The following IQGAP3 variants were observed in gnomAD, a reference collection of about 807,000 sequenced individuals.
The protein encoded by IQGAP3 is IQ motif containing GTPase activating protein 3.
In IQGAP3, 165 loss-of-function variants were observed where a neutral mutation model predicts 208.2. The ratio of observed to expected loss-of-function variants is 0.79; its 90% CI spans 0.70 to 0.90. IQGAP3 has a LOEUF of 0.90. IQGAP3 is among the 40% of genes least tolerant of loss of function. The pLI is 0.00. For synonymous variants in IQGAP3, 703 were observed against 803.6 expected (o/e 0.87, Z 2.12); for missense variants, 1,811 against 2,043.1 (o/e 0.89, Z 2.19).
At chr1:156,556,485 C>T in intron 12 of IQGAP3, 48 bp downstream of exon 12, 1 of 1,605,436 alleles carries the variant, frequency 6.2e-7, no homozygotes, top group South Asian at 1.1e-5. Context: ...CCTGATCCCT[C>T]CAGCTGCATG....
chr1:156,566,516 A>AAGCT lies in IQGAP3; in HGVS notation c.152_155dup (p.Pro53AlafsTer80). 3.1e-6 allele frequency: 5 copies of AAGCT among 1,614,134 alleles called. No homozygotes were observed. Among genetic ancestry groups the AAGCT allele is most frequent in the Non-Finnish European group, 4.2e-6 (5 of 1,180,030 alleles). On this transcript the variant is annotated frameshift_variant, in exon 3 of 38. Coordinates refer to ENST00000361170, the MANE Select transcript of IQGAP3 (RefSeq NM_178229.5). LOFTEE classifies it high-confidence loss of function. Reference sequence around the variant, plus strand: ...TCTCCTCCAGCTCCACCGGGGAAGGAAGCTCCTCCTTCAGGCAGGCCTCCA... The same window carrying AAGCT: ...TCTCCTCCAGCTCCACCGGGGAAGGAAGCTAGCTCCTCCTTCAGGCAGGCCTCCA...
chr1:156,547,823 A>G (rs1235605206), intron 19 of IQGAP3, among the ~76,000 whole-genome samples: 1 of 152,208 alleles, frequency 6.6e-6, no homozygotes, highest in Non-Finnish European at 1.5e-5. Context: ...CCATTTTCAG[A>G]TGAAAAGACT....
At chr1:156,561,071 C>T in intron 10 of IQGAP3, 50 bp from the exon 11 acceptor site, 1 of 1,370,660 alleles carries the variant, frequency 7.3e-7, no homozygotes, top group African/African-American at 1.4e-5. Flanking sequence ...GGGGCCATGA[C>T]CATGCTTTAC....
intron 19 of IQGAP3, among the ~76,000 whole-genome samples, chr1:156,545,691 G>T (rs1445739217): frequency 1.3e-5 from 2 of 151,962 alleles, no homozygotes; most frequent in Non-Finnish European, 2.9e-5. Context: ...TAGAGATGGG[G>T]TCTTACTATA....
intron 22 of IQGAP3, among the ~76,000 whole-genome samples, chr1:156,543,648 T>G (rs1275598526): frequency 6.6e-6 from 1 of 152,212 alleles, no homozygotes; most frequent in African/African-American, 2.4e-5. Context: ...GCCTTGTTTG[T>G]GCTGGGCCAC....
At chr1:156,572,137 G>C (rs555234679) in intron 1 of IQGAP3, among the ~76,000 whole-genome samples, 4 of 152,330 alleles carry the variant, frequency 2.6e-5, no homozygotes, top group Non-Finnish European at 4.4e-5. Flanking sequence ...CCCTTGAGGC[G>C]TCTTGTCCGG....
At chr1:156,533,193 G>A in intron 31 of IQGAP3, 87 bp from the exon 32 acceptor site, 2 of 1,534,540 alleles carry the variant, frequency 1.3e-6, no homozygotes, top group South Asian at 2.3e-5. Context: ...GCACCGATGG[G>A]GTCACATTAA....
intron 22 of IQGAP3, among the ~76,000 whole-genome samples, chr1:156,542,453 G>C (rs1675031931): frequency 1.3e-5 from 2 of 152,166 alleles, no homozygotes; most frequent in Admixed American, 1.3e-4. Flanking sequence ...GCCTCCCAAA[G>C]TGCTGGGATT....
chr1:156,537,115 C>A, intron 27 of IQGAP3, 66 bp downstream of exon 27: 6 of 1,539,064 alleles, frequency 3.9e-6, no homozygotes, highest in Non-Finnish European at 4.4e-6. Flanking sequence ...CCCTGCTCTG[C>A]TCCCCATGGT....
chr1:156,529,712 A>G (rs970130694), intron 34 of IQGAP3, among the ~76,000 whole-genome samples: 3 of 152,038 alleles, frequency 2.0e-5, no homozygotes, highest in Non-Finnish European at 4.4e-5. Flanking sequence ...TGAGGTCAGG[A>G]GTTCGAAACC....
chr1:156,540,527 T>C (rs906592137), intron 23 of IQGAP3, among the ~76,000 whole-genome samples, 181 bp downstream of exon 23: 1 of 152,138 alleles, frequency 6.6e-6, no homozygotes, highest in African/African-American at 2.4e-5. Context: ...CTTTCTACTC[T>C]GTCATGGGTC....
chr1:156,547,384 C>CAG (rs1368148027), intron 19 of IQGAP3, among the ~76,000 whole-genome samples: 6 of 96,364 alleles, frequency 6.2e-5, no homozygotes, highest in Non-Finnish European at 1.0e-4. Context: ...GACACAGACA[C>CAG]ACAGACACAC....
At chr1:156,544,270 T>C (rs761410026) in intron 20 of IQGAP3, 47 bp from the exon 21 acceptor site, 1 of 1,599,822 alleles carries the variant, frequency 6.3e-7, no homozygotes, top group South Asian at 1.1e-5. Context: ...GGGCCCACCC[T>C]CACTCAGTCT....
chr1:156,565,933 T>C, intron 4 of IQGAP3, 94 bp downstream of exon 4: 1 of 920,366 alleles, frequency 1.1e-6, no homozygotes, highest in Non-Finnish European at 1.8e-6. Flanking sequence ...CACATGGAAA[T>C]AGGGCTAAAG....
chr1:156,559,955 T>C (rs1676069988), intron 11 of IQGAP3, among the ~76,000 whole-genome samples: 1 of 152,006 alleles, frequency 6.6e-6, no homozygotes. Context: ...ATGAACTGAG[T>C]GGATTAGGAA....
chr1:156,564,755 G>A, intron 4 of IQGAP3, 64 bp from the exon 5 acceptor site: 1 of 1,147,324 alleles, frequency 8.7e-7, no homozygotes, highest in Non-Finnish European at 1.3e-6. Context: ...ATGCGGAGAG[G>A]GGGTGCCGAG....
At chr1:156,530,943 GA>G (rs1674362801) in intron 33 of IQGAP3, among the ~76,000 whole-genome samples, 1 of 152,202 alleles carries the variant, frequency 6.6e-6, no homozygotes, top group South Asian at 2.1e-4. Context: ...GAAGTGGGGA[GA>G]GGGGTGGGGC....
chr1:156,570,489 G>A (rs370956246), intron 1 of IQGAP3, among the ~76,000 whole-genome samples: 6 of 152,186 alleles, frequency 3.9e-5, no homozygotes, highest in Admixed American at 2.0e-4. Context: ...TCGTGCCACT[G>A]CACTCCATCC....
rs2488269 is a variant in IQGAP3 at position 156,556,652 on chromosome 1, T to C, written c.1171A>G (p.Arg391Gly). The change falls in exon 12 of 38, where the codon AGA (arginine) becomes GGA (glycine). Residue 391 changes from arginine (R) to glycine (G), a missense_variant. By Grantham distance (125) the Arg-to-Gly change is moderately radical (BLOSUM62 -2). Coordinates refer to ENST00000361170, the MANE Select transcript of IQGAP3 (RefSeq NM_178229.5). ...VQRINKAIRR[R>G]VAADTVKELM... ...TCCTTCACAGTGTCAGCCGCCACTC[T>C]CCTCCGGATGGCTTTGTTGATCCGC... is the stretch of plus-strand genomic sequence containing the variant. The C allele has an allele frequency of 0.99, 1,597,217 of 1,608,536 alleles. 793,676 individuals carry two copies. The highest frequency in any genetic ancestry group is 1 in the East Asian group (44,644 of 44,644).
Sources: gnomAD v4.1 joint callset for allele counts (sites outside exome capture counted in the v4.1 genomes callset) on GRCh38, gnomAD v4.1.1 for gene constraint, MANE v1.5 for transcripts, NCBI Gene and HGNC (gene_info 2026-07-23, HGNC 2026-07-21) for gene names.